The following AMTN variants were observed in gnomAD, a reference collection of about 807,000 sequenced individuals.
AMTN encodes RSTI689.
Under a neutral mutation model 27.4 loss-of-function variants are expected in AMTN, and 29 were observed. That is an observed-to-expected ratio of 1.06 (90% CI 0.79 to 1.44). The LOEUF is 1.44. AMTN is among the 40% of genes most tolerant of loss of function. The pLI is 0.00. For synonymous variants in AMTN, 86 were observed against 95.7 expected (o/e 0.90, Z 0.59); for missense variants, 247 against 248.8 (o/e 0.99, Z 0.05).
intron 5 of AMTN, among the ~76,000 whole-genome samples, chr4:70,526,412 G>C (rs965547083): frequency 6.6e-6 from 1 of 152,000 alleles, no homozygotes; most frequent in African/African-American, 2.4e-5. Context: ...CAAAGTCTTT[G>C]CTTCTATAAA....
At chr4:70,526,821 A>G (rs903233197) in intron 5 of AMTN, among the ~76,000 whole-genome samples, 1 of 152,142 alleles carries the variant, frequency 6.6e-6, no homozygotes, top group Non-Finnish European at 1.5e-5. Flanking sequence ...ATTATAAATC[A>G]GTCCCCATTT....
At chr4:70,526,260 G>A (rs1208679625) in intron 5 of AMTN, among the ~76,000 whole-genome samples, 1 of 151,974 alleles carries the variant, frequency 6.6e-6, no homozygotes. Context: ...TTGCTATAAT[G>A]TTTTGTAACA....
At chr4:70,519,978 T>G (rs556896005) in intron 2 of AMTN, among the ~76,000 whole-genome samples, 1 of 150,518 alleles carries the variant, frequency 6.6e-6, no homozygotes, top group South Asian at 2.1e-4. Flanking sequence ...TGTAAAAGTT[T>G]AATTTTCTAA....
chr4:70,529,135 A>G, intron 6 of AMTN, 49 bp from the exon 7 acceptor site: 1 of 1,460,218 alleles, frequency 6.8e-7, no homozygotes, highest in Non-Finnish European at 9.2e-7. Flanking sequence ...TATTACTACA[A>G]ATACATTAAA....
intron 7 of AMTN, among the ~76,000 whole-genome samples, chr4:70,530,281 A>G (rs761310454): frequency 6.6e-6 from 1 of 152,100 alleles, no homozygotes; most frequent in Non-Finnish European, 1.5e-5. Flanking sequence ...ACTATATAGA[A>G]TGCACTACTA....
intron 2 of AMTN, among the ~76,000 whole-genome samples, chr4:70,519,931 T>C (rs1212853327): frequency 1.3e-5 from 2 of 148,896 alleles, no homozygotes; most frequent in Non-Finnish European, 3.0e-5. Flanking sequence ...TGTGTGTGTG[T>C]GTCTGTGTGT....
rs200906650 is a variant in AMTN, at chr4:70,529,208, T to C, written c.355T>C (p.Leu119=). 4.5e-6 allele frequency: 7 copies of C among 1,546,290 alleles called. No individual in the cohort carries two copies. Among genetic ancestry groups the C allele is most frequent in the East Asian group, 2.3e-5 (1 of 42,822 alleles). Residue 119 remains leucine (L), a splice_region_variant and synonymous_variant, in exon 7 of 9, where the codon TTG becomes CTG. Coordinates refer to ENST00000339336, the MANE Select transcript of AMTN (RefSeq NM_212557.4). ...AQGTILSSEE[L]PQIFTSLIIH... ...GGGCACTATCCTAAGCTCAGAGGAA[T>C]TGGTAAAAAAAATAAAAATACTATT...
chr4:70,527,498 TG>T (rs1433585454), intron 5 of AMTN, among the ~76,000 whole-genome samples: 1 of 152,210 alleles, frequency 6.6e-6, no homozygotes, highest in African/African-American at 2.4e-5. Context: ...GTTCTTGTTT[TG>T]TTGTCCTTTT....
At chr4:70,529,997 T>C (rs1002274771) in intron 7 of AMTN, among the ~76,000 whole-genome samples, 5 of 152,110 alleles carry the variant, frequency 3.3e-5, no homozygotes, top group Admixed American at 3.3e-4. Context: ...CCTTTACATA[T>C]GTTGCTTTCA....
chr4:70,522,766 T>C lies in AMTN; in HGVS notation c.66T>C (p.Pro22=), dbSNP rs774171618. The change falls in exon 3 of 9, where the codon CCT becomes CCC. Residue 22 remains proline (P), a synonymous_variant. Coordinates refer to ENST00000339336, the MANE Select transcript of AMTN (RefSeq NM_212557.4). ...GSTRSLPQLK[P]ALGLPPTKLA... is the part of the protein sequence containing the mutation. Reference sequence around the variant, plus strand: ...TGTTTTCACAAAAGCAGCTCAAACCTGCTTTGGGACTCCCTCCCACAAAAC... The same window carrying C: ...TGTTTTCACAAAAGCAGCTCAAACCCGCTTTGGGACTCCCTCCCACAAAAC... 6.2e-6 allele frequency: 10 copies of C among 1,613,884 alleles called. No individual in the cohort carries two copies. In the East Asian group the frequency reaches 1.8e-4, roughly 29 times the overall value.
chr4:70,528,421 C>A (rs914433869), intron 5 of AMTN, among the ~76,000 whole-genome samples: 4 of 152,160 alleles, frequency 2.6e-5, no homozygotes, highest in Admixed American at 6.6e-5. Context: ...AAGGCTGAGG[C>A]AGGCAGATCA....
At position 70,523,953 on chromosome 4, in the gene AMTN, A is replaced by G. The variant is rs772389699; in HGVS notation, c.204+20A>G. 1.9e-6 allele frequency: 3 copies of G among 1,589,908 alleles called. No homozygotes were observed. Among genetic ancestry groups the G allele is most frequent in the African/African-American group, 2.7e-5 (2 of 74,174 alleles). On this transcript the variant is annotated intron_variant, in intron 4 of 8. Coordinates refer to ENST00000339336, the MANE Select transcript of AMTN (RefSeq NM_212557.4). ...CATCTGGTAAGTGATTGTTTATATT[A>G]TTTTAATACCCATTGTGAAATAAAT...
rs540879914 is a variant in AMTN at position 70,524,766 on chromosome 4, C to A, written c.205-106C>A. The A allele has an allele frequency of 7.0e-5, 70 of 1,003,292 alleles. No individual in the cohort carries two copies. In the East Asian group the frequency reaches 1.7e-3, roughly 24 times the overall value. 62.1% of individuals were successfully genotyped at this position (1,003,292 alleles called of 1,614,324 possible). On this transcript the variant is annotated intron_variant, in intron 4 of 8. Coordinates refer to ENST00000339336, the MANE Select transcript of AMTN (RefSeq NM_212557.4). ...AATAGAACACTATGTATTTACATAG[C>A]AACTCCTTCCTTTAAATATATTTTA...
At chr4:70,528,780 G>A (rs1297199332) in intron 6 of AMTN, 22 bp downstream of exon 6, 2 of 1,567,726 alleles carry the variant, frequency 1.3e-6, no homozygotes, top group East Asian at 2.3e-5. Context: ...GCTTAATATT[G>A]TCTTGATTTT....
At chr4:70,531,434 T>C (rs1736222277) in intron 8 of AMTN, 134 bp downstream of exon 8, 1 of 1,149,612 alleles carries the variant, frequency 8.7e-7, no homozygotes. Context: ...TCACTCACAG[T>C]TAACTCCAGC....
At chr4:70,528,833 C>A in intron 6 of AMTN, 75 bp downstream of exon 6, 1 of 1,289,924 alleles carries the variant, frequency 7.8e-7, no homozygotes, top group Non-Finnish European at 1.1e-6. Flanking sequence ...CCTCAATTCA[C>A]TAGATAGTTG....
rs1736211685 is a variant in AMTN at position 70,531,110 on chromosome 4, G to C, written c.429G>C (p.Gly143=). The C allele has an allele frequency of 6.2e-7, 1 of 1,613,872 alleles. No individual in the cohort carries two copies. The highest frequency in any genetic ancestry group is 1.3e-5 in the African/African-American group (1 of 74,908). ...GCATCCTGCCCACCAGTCAGGCAGG[G>C]GCTAATCCAGATGTCCAGGATGGAA... ...PGGILPTSQA[G]ANPDVQDGSL... The change falls in exon 8 of 9, where the codon GGG becomes GGC. Residue 143 remains glycine, a synonymous_variant. Coordinates refer to ENST00000339336, the MANE Select transcript of AMTN (RefSeq NM_212557.4).
At chr4:70,526,767 A>C (rs982175726) in intron 5 of AMTN, among the ~76,000 whole-genome samples, 6 of 152,116 alleles carry the variant, frequency 3.9e-5, no homozygotes, top group African/African-American at 1.4e-4. Flanking sequence ...ATGTTACAAA[A>C]GTTTCAGTAC....
chr4:70,523,958 A>C (rs773689348), intron 4 of AMTN, 25 bp downstream of exon 4: 1 of 1,583,798 alleles, frequency 6.3e-7, no homozygotes, highest in Non-Finnish European at 8.7e-7. Flanking sequence ...ATATTATTTT[A>C]ATACCCATTG....
Sources: gnomAD v4.1 joint callset for allele counts (sites outside exome capture counted in the v4.1 genomes callset) on GRCh38, gnomAD v4.1.1 for gene constraint, MANE v1.5 for transcripts, NCBI Gene and HGNC (gene_info 2026-07-23, HGNC 2026-07-21) for gene names.